RAB11FIP3: variants seen among roughly 807,000 people sequenced by gnomAD.
RAB11FIP3 encodes rab11 family-interacting protein 3.
RAB11FIP3 carries 17 observed loss-of-function variants against 77.8 expected under a neutral mutation model. That is an observed-to-expected ratio of 0.22 (90% confidence interval 0.15 to 0.33). The LOEUF (loss-of-function observed/expected upper bound fraction) is 0.33, where lower values mean the gene tolerates loss of function less well. Ranked by LOEUF, RAB11FIP3 falls within the 10% of genes least tolerant of loss-of-function variation. The probability of loss-of-function intolerance (pLI) is 1.00; values close to 1 mark genes in which losing one functional copy is unlikely to be tolerated. For missense variants in RAB11FIP3, 1,005 were observed against 1,011.2 expected (o/e 0.99, Z 0.08); for synonymous variants, 437 against 448.2 (o/e 0.98, Z 0.31).
At chr16:497,320 G>A (rs1490664931) in intron 6 of RAB11FIP3, 3 of 1,304,210 alleles carry the variant, frequency 2.3e-6, no homozygotes, top group South Asian at 1.2e-5. Flanking sequence ...GCTTCCTGCT[G>A]TGAAAGATGG....
intron 1 of RAB11FIP3, among the ~76,000 whole-genome samples, chr16:427,481 C>G (rs550155746): frequency 2.0e-5 from 3 of 152,216 alleles, no homozygotes; most frequent in Non-Finnish European, 4.4e-5. Context: ...AGGGCACCTG[C>G]TCCTGGGGGA....
At position 514,885 on chromosome 16, in the gene RAB11FIP3, G is replaced by A. The variant is rs1477401474; in HGVS notation, c.1641-4058G>A. Among the ~76,000 whole-genome samples, 1 of 152,260 alleles carries A rather than the reference G, an allele frequency of 6.6e-6. No homozygotes were observed. Among genetic ancestry groups the A allele is most frequent in the East Asian group, 1.9e-4 (1 of 5,198 alleles). On this transcript the variant is annotated intron_variant, in intron 9 of 13. Transcript: ENST00000262305. This position sits in a 1 kb window ranked among gnomAD's most constrained non-coding sequence, Gnocchi z 4.6. ...TACATGGCCCATCATCAGGCACAGA[G>A]TGAACTGGGTGAACGTGGCCCTGGT...
intron 6 of RAB11FIP3, among the ~76,000 whole-genome samples, chr16:501,091 C>A (rs903462836): frequency 2.0e-5 from 3 of 152,242 alleles, no homozygotes; most frequent in African/African-American, 7.2e-5. Context: ...GGGCTTGTCT[C>A]CTCAGAGCGT....
intron 4 of RAB11FIP3, among the ~76,000 whole-genome samples, chr16:483,091 C>T (rs2141733265): frequency 6.6e-6 from 1 of 152,280 alleles, no homozygotes; most frequent in Non-Finnish European, 1.5e-5. Context: ...CATGTTCTCT[C>T]CCCACCTGTC....
intron 1 of RAB11FIP3, among the ~76,000 whole-genome samples, chr16:429,138 G>A (rs2054997108): frequency 1.3e-5 from 2 of 152,088 alleles, no homozygotes; most frequent in Admixed American, 6.6e-5. Flanking sequence ...AATTTACAGG[G>A]TAAAGAAAGG....
At chr16:486,355 G>A (rs1339410407) in intron 4 of RAB11FIP3, among the ~76,000 whole-genome samples, 1 of 152,174 alleles carries the variant, frequency 6.6e-6, no homozygotes, top group Admixed American at 6.5e-5. Context: ...AGCTGGGCCT[G>A]GTGGCACGCA....
chr16:474,237 T>C (rs949942255), intron 3 of RAB11FIP3, among the ~76,000 whole-genome samples: 4 of 152,112 alleles, frequency 2.6e-5, no homozygotes, highest in African/African-American at 9.7e-5. Flanking sequence ...GATTGGTTGA[T>C]TGGTTGATTG....
intron 1 of RAB11FIP3, among the ~76,000 whole-genome samples, chr16:444,108 A>C (rs1352195086): frequency 6.6e-6 from 1 of 152,110 alleles, no homozygotes; most frequent in East Asian, 1.9e-4. Flanking sequence ...CAACCTGTGC[A>C]TGGAGGTTGG....
intron 1 of RAB11FIP3, among the ~76,000 whole-genome samples, chr16:432,527 T>C (rs566071528): frequency 2.0e-5 from 3 of 152,180 alleles, no homozygotes; most frequent in African/African-American, 7.2e-5. Flanking sequence ...AATACATACT[T>C]GATTATAGAT....
In RAB11FIP3 at chr16:510,788, A is replaced by T. The variant is rs761415476; in HGVS notation, c.1628A>T (p.Asn543Ile). The T allele has an allele frequency of 5.0e-6, 8 of 1,613,116 alleles. No individual in the cohort carries two copies. In the South Asian group the frequency reaches 7.7e-5, roughly 16 times the overall value. Reference sequence around the variant, plus strand: ...AGGGAGAAGAGCATTGAGATCGAGAACCTGCAGACCAGGTAGGCGGTTCCC... The same window carrying T: ...AGGGAGAAGAGCATTGAGATCGAGATCCTGCAGACCAGGTAGGCGGTTCCC... ...MEREKSIEIE[N>I]LQTRLQQLDE... The change falls in exon 9 of 14, where the codon AAC (asparagine) becomes ATC (isoleucine). Residue 543 changes from asparagine to isoleucine, a missense_variant. Coordinates refer to ENST00000262305, the MANE Select transcript of RAB11FIP3 (RefSeq NM_014700.4).
chr16:515,894 A>T (rs1228215408), intron 9 of RAB11FIP3, among the ~76,000 whole-genome samples: 1 of 152,178 alleles, frequency 6.6e-6, no homozygotes, highest in African/African-American at 2.4e-5. Context: ...CAGCTGGATC[A>T]CACCCATCCC....
At chr16:467,874 G>C (rs2055734579) in intron 2 of RAB11FIP3, among the ~76,000 whole-genome samples, 2 of 111,816 alleles carry the variant, frequency 1.8e-5, no homozygotes, top group African/African-American at 7.4e-5. Context: ...GGAGGTGCTG[G>C]GACGTCAGGG....
rs1168348396 is a variant in RAB11FIP3, at chr16:514,838, T to A, written c.1640+4038T>A. 6.6e-6 allele frequency among the ~76,000 whole-genome samples: 1 copy of A among 152,198 alleles called. No individual in the cohort carries two copies. Among genetic ancestry groups the A allele is most frequent in the East Asian group, 1.9e-4 (1 of 5,198 alleles). ...GGCCTGATTTGCAGCTTGTGGCACCTGCCGAACCCCCGGCGTTGGGGTACA... is the reference window on the plus strand; with the variant it reads ...GGCCTGATTTGCAGCTTGTGGCACCAGCCGAACCCCCGGCGTTGGGGTACA... On this transcript the variant is annotated intron_variant, in intron 9 of 13. Coordinates refer to ENST00000262305, the MANE Select transcript of RAB11FIP3 (RefSeq NM_014700.4). The surrounding 1 kb of genome is among the most constrained non-coding windows in gnomAD (Gnocchi z 4.6).
At chr16:498,174 T>C (rs935134084) in intron 6 of RAB11FIP3, among the ~76,000 whole-genome samples, 12 of 151,966 alleles carry the variant, frequency 7.9e-5, no homozygotes, top group Admixed American at 7.9e-4. Context: ...CCTTTTGTTT[T>C]CCATTTTCTT....
chr16:511,828 T>C, intron 9 of RAB11FIP3, among the ~76,000 whole-genome samples: 1 of 111,200 alleles, frequency 9.0e-6, no homozygotes, highest in Non-Finnish European at 1.8e-5. Context: ...TAGGAGAGGT[T>C]CCTGACGGCC....
intron 2 of RAB11FIP3, among the ~76,000 whole-genome samples, chr16:467,261 A>G (rs1467208432): frequency 1.3e-5 from 2 of 152,178 alleles, no homozygotes. Flanking sequence ...CAGAAGGAGC[A>G]GGTGAGAGGC....
intron 5 of RAB11FIP3, among the ~76,000 whole-genome samples, chr16:492,111 C>T (rs75796719): frequency 1.8e-3 from 267 of 152,314 alleles, no homozygotes; most frequent in African/African-American, 3.9e-3. Flanking sequence ...GGGCTTCTGC[C>T]GAGGCACATC....
intron 1 of RAB11FIP3, among the ~76,000 whole-genome samples, chr16:430,273 A>G (rs1199482830): frequency 6.6e-6 from 1 of 152,158 alleles, no homozygotes; most frequent in African/African-American, 2.4e-5. Context: ...ATAAATTCTA[A>G]GAGTGTTGTG....
intron 1 of RAB11FIP3, among the ~76,000 whole-genome samples, chr16:427,025 GGCCTGATCGCCACCCCCCCAGGGT>G (rs2054959194): frequency 6.6e-6 from 1 of 151,950 alleles, no homozygotes; most frequent in Non-Finnish European, 1.5e-5. Flanking sequence ...CCCCCCAGGG[GGCCTGATCGCCACCCCCCCAGGGT>G]GCCTGATCGA....
Sources: gnomAD v4.1 joint callset for allele counts (sites outside exome capture counted in the v4.1 genomes callset) on GRCh38, gnomAD v4.1.1 for gene constraint, Gnocchi (gnomAD v3.1) non-coding constraint, MANE v1.5 for transcripts, NCBI Gene and HGNC (gene_info 2026-07-23, HGNC 2026-07-21) for gene names.